The following CSE1L variants were observed in gnomAD, a reference collection of about 807,000 sequenced individuals.
The protein encoded by CSE1L is exportin-2.
Under a neutral mutation model 120.4 loss-of-function variants are expected in CSE1L, and 24 were observed. The observed-to-expected ratio is 0.20, with a 90% CI of 0.14 to 0.28. The LOEUF is 0.28. CSE1L is among the 10% of genes least tolerant of loss of function. The pLI, the probability that CSE1L is intolerant of heterozygous loss-of-function variation, is 1.00. For missense variants in CSE1L, 830 were observed against 1,145.2 expected (o/e 0.72, Z 3.97); for synonymous variants, 402 against 398.3 (o/e 1.01, Z -0.11).
intron 14 of CSE1L, among the ~76,000 whole-genome samples, chr20:49,082,095 T>A (rs544281605): frequency 6.8e-6 from 1 of 147,760 alleles, no homozygotes; most frequent in South Asian, 2.1e-4. Flanking sequence ...TAGGTTTTAA[T>A]TTTTTTTTTT....
chr20:49,050,389 T>C (rs1292742228), intron 1 of CSE1L, among the ~76,000 whole-genome samples: 2 of 134,264 alleles, frequency 1.5e-5, no homozygotes, highest in Non-Finnish European at 3.1e-5. Flanking sequence ...CAGCTAATTT[T>C]TTTTTTTTTT....
At chr20:49,092,216 A>G (rs1280196868) in intron 22 of CSE1L, 89 bp downstream of exon 22, 3 of 688,476 alleles carry the variant, frequency 4.4e-6, no homozygotes, top group Middle Eastern at 4.1e-4. Context: ...ATAGATGATG[A>G]TGTGGTTCTT....
intron 21 of CSE1L, among the ~76,000 whole-genome samples, 181 bp downstream of exon 21, chr20:49,091,203 G>A (rs927867777): frequency 1.6e-4 from 24 of 152,126 alleles, no homozygotes; most frequent in African/African-American, 4.1e-4. Context: ...GAGGCCGATC[G>A]CTTGAGCTCA....
chr20:49,076,712 G>A (rs1400712496), intron 12 of CSE1L, among the ~76,000 whole-genome samples: 1 of 151,030 alleles, frequency 6.6e-6, no homozygotes, highest in African/African-American at 2.4e-5. Flanking sequence ...TGTGTTTTTA[G>A]TAGAGACGGG....
intron 12 of CSE1L, among the ~76,000 whole-genome samples, chr20:49,075,757 C>G (rs2091964231): frequency 6.6e-6 from 1 of 152,198 alleles, no homozygotes; most frequent in African/African-American, 2.4e-5. Context: ...CCCGCTGTAT[C>G]AAATATGCTT....
intron 10 of CSE1L, among the ~76,000 whole-genome samples, chr20:49,073,377 C>T (rs957296731): frequency 6.6e-6 from 1 of 152,144 alleles, no homozygotes; most frequent in Non-Finnish European, 1.5e-5. Context: ...AAGGTTGAAG[C>T]CCACTTAGTT....
intron 24 of CSE1L, among the ~76,000 whole-genome samples, chr20:49,095,913 T>C (rs1476388009): frequency 6.6e-6 from 1 of 152,150 alleles, no homozygotes; most frequent in Non-Finnish European, 1.5e-5. Context: ...ATATATTTTT[T>C]CATTGTATTA....
intron 8 of CSE1L, 149 bp downstream of exon 8, chr20:49,070,446 G>C (rs3818225): frequency 0.022 from 11,602 of 537,236 alleles, 351 homozygotes; most frequent in East Asian, 0.08. Context: ...TTACATGTTT[G>C]GTGTGTGTAG....
intron 15 of CSE1L, among the ~76,000 whole-genome samples, chr20:49,085,064 G>C (rs1403435953): frequency 1.3e-5 from 2 of 152,136 alleles, no homozygotes; most frequent in African/African-American, 4.8e-5. Flanking sequence ...GGTTTAGCTG[G>C]CTTTTTGGTT....
At chr20:49,056,307 C>T (rs568760042) in intron 1 of CSE1L, among the ~76,000 whole-genome samples, 2 of 152,018 alleles carry the variant, frequency 1.3e-5, no homozygotes, top group Non-Finnish European at 2.9e-5. Flanking sequence ...ATTCACCATG[C>T]TGGCCAGGCT....
intron 1 of CSE1L, among the ~76,000 whole-genome samples, chr20:49,055,869 TTTC>T (rs1872695619): frequency 6.6e-6 from 1 of 152,156 alleles, no homozygotes; most frequent in South Asian, 2.1e-4. Context: ...TGTTTTTTGT[TTTC>T]TTCTATATGT....
In CSE1L at chr20:49,070,240, T is replaced by C; in HGVS notation, c.711T>C (p.Thr237=). The part of the protein sequence containing the change: ...LPEFFEDNME[T]WMNNFHTLLT... ...AATTTTTTGAAGATAATATGGAAAC[T>C]TGGATGAATAATTTTCATACTCTCT... Residue 237 remains threonine (T), a synonymous_variant, in exon 8 of 25, where the codon ACT becomes ACC. Coordinates refer to ENST00000262982, the MANE Select transcript of CSE1L (RefSeq NM_001316.4). 1 of 1,472,274 alleles carries C rather than the reference T, an allele frequency of 6.8e-7. No individual in the cohort carries two copies. Among genetic ancestry groups the C allele is most frequent in the East Asian group, 2.3e-5 (1 of 43,194 alleles). The allele number at this position is 1,472,274 out of a possible 1,614,324, so 91.2% of individuals were successfully genotyped here.
chr20:49,090,448 C>T (rs1233714536), intron 19 of CSE1L, among the ~76,000 whole-genome samples: 1 of 152,020 alleles, frequency 6.6e-6, no homozygotes, highest in African/African-American at 2.4e-5. Context: ...CCCAGCTACT[C>T]AGAAGGCTGA....
chr20:49,061,196 G>T (rs1293037331), intron 2 of CSE1L, among the ~76,000 whole-genome samples: 1 of 133,356 alleles, frequency 7.5e-6, no homozygotes, highest in African/African-American at 3.0e-5. Context: ...TTTTGGAGAC[G>T]GAGTCTCCCT....
At chr20:49,051,411 C>T (rs2091765480) in intron 1 of CSE1L, among the ~76,000 whole-genome samples, 2 of 152,122 alleles carry the variant, frequency 1.3e-5, no homozygotes, top group African/African-American at 4.8e-5. Context: ...GGCGTGGTGG[C>T]ACGCACCTGT....
chr20:49,053,369 T>G (rs2123650979), intron 1 of CSE1L, among the ~76,000 whole-genome samples: 1 of 143,268 alleles, frequency 7.0e-6, no homozygotes, highest in East Asian at 2.0e-4. Flanking sequence ...TTTTTTTTTT[T>G]TTTTTTGAGA....
rs2091946796 is a variant in CSE1L at position 49,073,458 on chromosome 20, T to G, written c.1066+761T>G. Among the ~76,000 whole-genome samples, 3 of 152,188 alleles carry G rather than the reference T, an allele frequency of 2.0e-5. 1 individual carries two copies. The South Asian group carries it at 6.2e-4, about 32-fold the overall frequency. ...ATGTATGTCCTTGTTCTAACAGTTG[T>G]GAAGAACAAGTAATGAAGGTGGGAG... On this transcript the variant is annotated intron_variant, in intron 10 of 24. Coordinates refer to ENST00000262982, the MANE Select transcript of CSE1L (RefSeq NM_001316.4).
At chr20:49,062,308 T>A (rs2091859028) in intron 2 of CSE1L, among the ~76,000 whole-genome samples, 1 of 152,142 alleles carries the variant, frequency 6.6e-6, no homozygotes, top group Non-Finnish European at 1.5e-5. Flanking sequence ...CTCTTGGGAC[T>A]CAGTCAGAAA....
intron 13 of CSE1L, among the ~76,000 whole-genome samples, chr20:49,077,785 C>T (rs1034405253): frequency 5.3e-5 from 8 of 152,042 alleles, no homozygotes; most frequent in African/African-American, 7.2e-5. Context: ...GCGGGAGGAT[C>T]GTGAGGTCAA....
Sources: gnomAD v4.1 joint callset for allele counts (sites outside exome capture counted in the v4.1 genomes callset) on GRCh38, gnomAD v4.1.1 for gene constraint, MANE v1.5 for transcripts, NCBI Gene and HGNC (gene_info 2026-07-23, HGNC 2026-07-21) for gene names.